Variants in ATAT1 observed in about 807,000 individuals in gnomAD.
ATAT1 encodes the protein alpha tubulin acetyltransferase 1.
In ATAT1, 42 loss-of-function variants were observed where a neutral mutation model predicts 57.2. That is an observed-to-expected ratio of 0.73 (90% CI 0.57 to 0.95). The LOEUF (loss-of-function observed/expected upper bound fraction) is 0.95, where lower values mean the gene tolerates loss of function less well. Among genes scored for constraint, ATAT1 ranks in the 40% least tolerant of loss-of-function variants. ATAT1 has a pLI of 0.00. For synonymous variants in ATAT1, 168 were observed against 187.1 expected (o/e 0.90, Z 0.83); for missense variants, 454 against 523.7 (o/e 0.87, Z 1.30).
At chr6:30,646,133 A>C in intron 12 of ATAT1, 24 bp downstream of exon 12, 1 of 1,601,106 alleles carries the variant, frequency 6.2e-7, no homozygotes, top group Non-Finnish European at 8.5e-7. Flanking sequence ...CCCTCCCCTA[A>C]CAGCCTCCCA....
intron 6 of ATAT1, among the ~76,000 whole-genome samples, chr6:30,639,683 T>C (rs1311704130): frequency 2.0e-5 from 3 of 151,970 alleles, no homozygotes; most frequent in Admixed American, 2.0e-4. Flanking sequence ...TTCACCATGT[T>C]AGCCAGGATG....
At chr6:30,643,043 C>A in intron 10 of ATAT1, 32 bp downstream of exon 10, 1 of 1,579,028 alleles carries the variant, frequency 6.3e-7, no homozygotes, top group Non-Finnish European at 8.6e-7. Flanking sequence ...AGGAGCCTCA[C>A]AGCTATAAAA....
In ATAT1 at chr6:30,642,193, C is replaced by A; in HGVS notation, c.634C>A (p.Pro212Thr). Residue 212 changes from proline (P) to threonine (T), a missense_variant, in exon 9 of 13, where the codon CCA becomes ACA. By Grantham distance (38) the Pro-to-Thr change is conservative. Around this residue, in one of 3 missense-constraint regions of ATAT1, gnomAD observed 236 missense variants for 284.5 expected, o/e 0.83. Coordinates refer to ENST00000330083, the MANE Select transcript of ATAT1 (RefSeq NM_001031722.4). The stretch of plus-strand genomic sequence containing the variant: ...ACTGCCAGCTCCAGCAAGGAAGCTG[C>A]CACCCAAGAGAGCAGAGGGAGACAT... The A allele has an allele frequency of 6.2e-7, 1 of 1,614,108 alleles. No individual in the cohort carries two copies. Among genetic ancestry groups the A allele is most frequent in the Non-Finnish European group, 8.5e-7 (1 of 1,180,030 alleles).
intron 8 of ATAT1, 25 bp from the exon 9 acceptor site, chr6:30,642,151 C>G: frequency 6.2e-7 from 1 of 1,614,058 alleles, no homozygotes; most frequent in Non-Finnish European, 8.5e-7. Context: ...AACGCTTACC[C>G]TGCCTATGTC....
intron 10 of ATAT1, chr6:30,643,307 T>C: frequency 3.5e-6 from 5 of 1,416,484 alleles, no homozygotes; most frequent in Non-Finnish European, 4.6e-6. Context: ...CCTTCTAAGA[T>C]TGGGAAAATC....
intron 8 of ATAT1, chr6:30,641,639 T>G: frequency 9.9e-6 from 4 of 404,726 alleles, no homozygotes; most frequent in Non-Finnish European, 1.0e-5. Context: ...GATGCCCATA[T>G]TTATTTTCTT....
At chr6:30,630,615 G>A (rs1390257897) in intron 6 of ATAT1, among the ~76,000 whole-genome samples, 5 of 151,658 alleles carry the variant, frequency 3.3e-5, no homozygotes, top group African/African-American at 4.8e-5. Flanking sequence ...CAGCCTGAGC[G>A]ACAGAGTGAG....
intron 8 of ATAT1, 162 bp from the exon 9 acceptor site, chr6:30,642,014 C>T: frequency 6.7e-7 from 1 of 1,503,590 alleles, no homozygotes; most frequent in Non-Finnish European, 8.9e-7. Context: ...CTCAAATTCC[C>T]TTTTGGTGTG....
At position 30,643,554 on chromosome 6, in the gene ATAT1, C is replaced by T. The variant is rs751880694; in HGVS notation, c.932+543C>T. ...CTCCCTTCCCCGCTCTGAGGAGAGT[C>T]GATACTAACAGCTACCCTCTCCCTG... is the stretch of plus-strand genomic sequence containing the variant. On this transcript the variant is annotated intron_variant, in intron 10 of 12. Coordinates refer to ENST00000330083, the MANE Select transcript of ATAT1 (RefSeq NM_001031722.4). 30 of 1,550,508 alleles carry T rather than the reference C, an allele frequency of 1.9e-5. No homozygotes were observed. In the East Asian group the frequency reaches 3.7e-4, roughly 19 times the overall value.
At position 30,627,147 on chromosome 6, in the gene ATAT1, G is replaced by C. The variant is rs558444744; in HGVS notation, c.-57G>C. The C allele has an allele frequency of 6.2e-7, 1 of 1,609,692 alleles. No homozygotes were observed. The highest frequency in any genetic ancestry group is 8.5e-7 in the Non-Finnish European group (1 of 1,177,816). ...CTCTGACCCTGGGCCTAGTGGGATT[G>C]ATCAGCGCTTGGATCTGTGACCTTT... is the stretch of plus-strand genomic sequence containing the variant. On this transcript the variant is annotated 5_prime_UTR_variant, in exon 1 of 13. Transcript: ENST00000330083.
intron 10 of ATAT1, chr6:30,643,836 T>C: frequency 7.6e-7 from 1 of 1,319,854 alleles, no homozygotes; most frequent in Non-Finnish European, 9.7e-7. Context: ...GCCAGACTTC[T>C]TGGTTAGATG....
At chr6:30,643,136 A>C in intron 10 of ATAT1, 125 bp downstream of exon 10, 1 of 1,506,942 alleles carries the variant, frequency 6.6e-7, no homozygotes, top group Non-Finnish European at 8.8e-7. Context: ...GGGGGTCCTG[A>C]AACCTTTCAA....
chr6:30,642,764 C>T lies in ATAT1; in HGVS notation c.689-4C>T. The T allele has an allele frequency of 6.3e-7, 1 of 1,595,680 alleles. No homozygotes were observed. Among genetic ancestry groups the T allele is most frequent in the Non-Finnish European group, 8.6e-7 (1 of 1,165,490 alleles). ...GTCTTGCTCTTCATTCTCCCTGTCC[C>T]CAGTTCTGAAGGTAGCTGTGGAGCC... On this transcript the variant is annotated splice_region_variant and splice_polypyrimidine_tract_variant and intron_variant, in intron 9 of 12. Coordinates refer to ENST00000330083, the MANE Select transcript of ATAT1 (RefSeq NM_001031722.4).
chr6:30,644,164 T>C, intron 10 of ATAT1: 1 of 985,954 alleles, frequency 1.0e-6, no homozygotes, highest in Non-Finnish European at 1.2e-6. Context: ...CCACATTTTG[T>C]GTAGGTGTCA....
intron 6 of ATAT1, among the ~76,000 whole-genome samples, chr6:30,637,270 A>G (rs953009998): frequency 6.6e-6 from 1 of 152,092 alleles, no homozygotes; most frequent in Non-Finnish European, 1.5e-5. Context: ...TATTAAACCT[A>G]TTTTGGGTTT....
Position 30,627,061 on chromosome 6 carries a change from GC to G in ATAT1, c.-138del. ...TCTCCAAACCTGGTCCAGGCACCAC[GC>G]CCCCTTCTCACTGACTAGTGATCGC... On this transcript the variant is annotated 5_prime_UTR_variant, in exon 1 of 13. Transcript: ENST00000330083. The G allele has an allele frequency of 6.5e-7, 1 of 1,548,298 alleles. No homozygotes were observed. The highest frequency in any genetic ancestry group is 8.8e-7 in the Non-Finnish European group (1 of 1,142,794).
chr6:30,643,173 G>A (rs1582871714), intron 10 of ATAT1, 162 bp downstream of exon 10: 36 of 1,465,944 alleles, frequency 2.5e-5, no homozygotes, highest in Non-Finnish European at 3.2e-5. Flanking sequence ...AGTGATCTGG[G>A]AAAAAAATGC....
intron 6 of ATAT1, among the ~76,000 whole-genome samples, chr6:30,634,112 C>A (rs1220640770): frequency 6.6e-6 from 1 of 152,098 alleles, no homozygotes; most frequent in African/African-American, 2.4e-5. Context: ...CACCACCACC[C>A]AACCCAAACC....
intron 6 of ATAT1, among the ~76,000 whole-genome samples, chr6:30,639,959 C>T (rs971796971): frequency 6.6e-6 from 1 of 151,728 alleles, no homozygotes; most frequent in Non-Finnish European, 1.5e-5. Context: ...CATAGTGAGA[C>T]CCCCATCTCT....
Sources: allele counts gnomAD v4.1 joint callset (sites outside exome capture counted in the v4.1 genomes callset), GRCh38; gene constraint gnomAD v4.1.1; regional missense constraint gnomAD v4.1.1; transcripts MANE v1.5; gene names NCBI Gene and HGNC (gene_info 2026-07-23, HGNC 2026-07-21).